Variants in CEP170B observed in about 807,000 individuals in gnomAD.
CEP170B encodes centrosomal protein 170B, also known as centrosomal protein of 170 kDa protein B.
A neutral mutation model predicts 120.6 loss-of-function variants in CEP170B; 55 were observed. The ratio of observed to expected loss-of-function variants is 0.46; its 90% CI spans 0.37 to 0.57. The LOEUF (loss-of-function observed/expected upper bound fraction) is 0.57, where lower values mean the gene tolerates loss of function less well. Ranked by LOEUF, CEP170B falls within the 20% of genes least tolerant of loss-of-function variation. The pLI is 0.00. For synonymous variants in CEP170B, 1,033 were observed against 954.5 expected, an observed-to-expected ratio of 1.08 and a Z score of -1.52; for missense variants, 2,212 against 2,253.3, an observed-to-expected ratio of 0.98 and a Z score of 0.37.
rs1286448544 is a variant in CEP170B, at chr14:104,867,008, G to A, written c.-27-1416G>A. Among the ~76,000 whole-genome samples the A allele has an allele frequency of 6.6e-6, 1 of 152,180 alleles. No homozygotes were observed. The highest frequency in any genetic ancestry group is 1.5e-5 in the Non-Finnish European group (1 of 68,030). On this transcript the variant is annotated intron_variant, in intron 1 of 18. Transcript: ENST00000414716. This position sits in a 1 kb window ranked among gnomAD's most constrained non-coding sequence, Gnocchi z 5.4. ...AGGAGCTCTGGGGCCGGCCTCACAG[G>A]TATGTGACTTGGAGACCCCCACAGA...
At position 104,895,189 on chromosome 14, in the gene CEP170B, G is replaced by C. The variant is rs986830462; in HGVS notation, c.*231G>C. On this transcript the variant is annotated 3_prime_UTR_variant, in exon 19 of 19. Transcript: ENST00000414716. ...CCCACCCCTGCCTCGCCCCCTACAGGCCTCTGGGCCCAGCTCCTGGCCAGG... is the reference window on the plus strand; with the variant it reads ...CCCACCCCTGCCTCGCCCCCTACAGCCCTCTGGGCCCAGCTCCTGGCCAGG... 1.6e-5 allele frequency: 8 copies of C among 492,712 alleles called. No homozygotes were observed. Among genetic ancestry groups the C allele is most frequent in the African/African-American group, 1.6e-4 (8 of 50,206 alleles). 30.5% of individuals were successfully genotyped at this position (492,712 alleles called of 1,614,324 possible).
Position 104,865,805 on chromosome 14 carries a change from A to C in CEP170B, c.-28+292A>C, listed in dbSNP as rs1363967824. Among the ~76,000 whole-genome samples the C allele has an allele frequency of 2.6e-5, 4 of 151,858 alleles. No homozygotes were observed. The East Asian group carries it at 7.8e-4, about 30-fold the overall frequency. ...CCGGCTCGGCCATGGCCGCCCCCGGAGAGCGCTGATTCAGAAGGCGCCGCT... is the reference window on the plus strand; with the variant it reads ...CCGGCTCGGCCATGGCCGCCCCCGGCGAGCGCTGATTCAGAAGGCGCCGCT... On this transcript the variant is annotated intron_variant, in intron 1 of 18. Transcript: ENST00000414716. This position sits in a 1 kb window ranked among gnomAD's most constrained non-coding sequence, Gnocchi z 6.7.
At position 104,896,360 on chromosome 14, in the gene CEP170B, G is replaced by C; in HGVS notation, c.*1402G>C. 2.9e-6 allele frequency: 1 copy of C among 339,396 alleles called. No individual in the cohort carries two copies. The allele number at this position is 339,396 out of a possible 1,614,324, so 21.0% of individuals were successfully genotyped here. A position where few individuals can be genotyped will look rare whatever the true frequency, so the allele number is the denominator to read the frequency against. ...GCGGGGGTGGCAGGTGTCCCCCCCT[G>C]GTCCCCGCCCCAAGAGCCTGCTGTC... On this transcript the variant is annotated 3_prime_UTR_variant, in exon 19 of 19. Transcript: ENST00000414716.
In CEP170B at chr14:104,884,274, C is replaced by A; in HGVS notation, c.1495C>A (p.Leu499Met). The A allele has an allele frequency of 6.5e-7, 1 of 1,544,412 alleles. No individual in the cohort carries two copies. The change falls in exon 9 of 19, where the codon CTG (leucine) becomes ATG (methionine). Residue 499 changes from leucine to methionine, a missense_variant. Leu to Met is a conservative substitution (Grantham distance 15). Around this residue, in one of 2 missense-constraint regions of CEP170B, gnomAD observed 2,166 missense variants for 2,166.7 expected, o/e 1.00. Coordinates refer to ENST00000414716, the MANE Select transcript of CEP170B (RefSeq NM_001112726.3). The stretch of plus-strand genomic sequence containing the variant: ...CGGAAGCGTGGGGCGCCGCTCCCGC[C>A]TGGCCCAGGACTTCATGGCCCAGTG... ...PFGSVGRRSR[L>M]AQDFMAQCLR... is the part of the protein sequence containing the mutation.
At chr14:104,879,300 A>AT (rs1420332496) in intron 5 of CEP170B, among the ~76,000 whole-genome samples, 2 of 151,664 alleles carry the variant, frequency 1.3e-5, no homozygotes, top group Non-Finnish European at 2.9e-5. Flanking sequence ...GGGTGAAGGG[A>AT]TTTGAGGTCT....
At chr14:104,889,311 C>T (rs1896672838) in intron 12 of CEP170B, among the ~76,000 whole-genome samples, 1 of 150,816 alleles carries the variant, frequency 6.6e-6, no homozygotes. Context: ...CCCGCATGTG[C>T]CCTGGGCTGG....
At chr14:104,882,916 C>T (rs577833451) in intron 7 of CEP170B, 84 bp downstream of exon 7, 1 of 1,479,986 alleles carries the variant, frequency 6.8e-7, no homozygotes, top group African/African-American at 1.4e-5. Context: ...TTGAGGAGCC[C>T]ACTCCGGGGG....
rs1417245984 is a variant in CEP170B at position 104,865,789 on chromosome 14, C to T, written c.-28+276C>T. Among the ~76,000 whole-genome samples, 5 of 152,196 alleles carry T rather than the reference C, an allele frequency of 3.3e-5. No homozygotes were observed. The East Asian group carries it at 9.7e-4, about 30-fold the overall frequency. On this transcript the variant is annotated intron_variant, in intron 1 of 18. Coordinates refer to ENST00000414716, the MANE Select transcript of CEP170B (RefSeq NM_001112726.3). This position sits in a 1 kb window ranked among gnomAD's most constrained non-coding sequence, Gnocchi z 6.7. ...GGTCCCCGCCCCGGCACCGGCTCGGCCATGGCCGCCCCCGGAGAGCGCTGA... is the reference window on the plus strand; with the variant it reads ...GGTCCCCGCCCCGGCACCGGCTCGGTCATGGCCGCCCCCGGAGAGCGCTGA...
chr14:104,887,087 C>T lies in CEP170B; in HGVS notation c.2848C>T (p.Leu950=), dbSNP rs1355302204. 1.2e-6 allele frequency: 2 copies of T among 1,611,302 alleles called. No individual in the cohort carries two copies. The highest frequency in any genetic ancestry group is 1.7e-6 in the Non-Finnish European group (2 of 1,179,680). Residue 950 remains leucine, a synonymous_variant, in exon 12 of 19, where the codon CTG becomes TTG. Transcript: ENST00000414716. ...CACCCCGAGGCCGCCGGAGGACGCC[C>T]TGTCTGGGGACTCGGACGTGGACAC... ...GSTPRPPEDA[L]SGDSDVDTAS...
intron 9 of CEP170B, among the ~76,000 whole-genome samples, chr14:104,885,110 C>G (rs1896404815): frequency 6.6e-6 from 1 of 152,054 alleles, no homozygotes. Context: ...CCGGCCCAGC[C>G]CTGGCTCCTG....
rs1272934003 is a variant in CEP170B at position 104,865,614 on chromosome 14, C to A, written c.-28+101C>A. ...CGGGGCGCGGGGTCCCGGCCGAGGC[C>A]GGACAAAGGCGCGGGGGTTGGGGGC... On this transcript the variant is annotated intron_variant, in intron 1 of 18. Coordinates refer to ENST00000414716, the MANE Select transcript of CEP170B (RefSeq NM_001112726.3). This position sits in a 1 kb window ranked among gnomAD's most constrained non-coding sequence, Gnocchi z 6.7. 1.3e-5 allele frequency: 2 copies of A among 151,354 alleles called. No homozygotes were observed. The highest frequency in any genetic ancestry group is 1.3e-4 in the Admixed American group (2 of 15,190). The allele number at this position is 151,354 out of a possible 1,614,324, so 9.4% of individuals were successfully genotyped here.
chr14:104,880,510 A>T lies in CEP170B; in HGVS notation c.472+85A>T, dbSNP rs1896090027. Reference sequence around the variant, plus strand: ...CGCACCTGCCTCTCTGCACCCCTTAACCCTCTGCATGCATATACCATGTAC... The same window carrying T: ...CGCACCTGCCTCTCTGCACCCCTTATCCCTCTGCATGCATATACCATGTAC... On this transcript the variant is annotated intron_variant, in intron 6 of 18. Coordinates refer to ENST00000414716, the MANE Select transcript of CEP170B (RefSeq NM_001112726.3). 5.2e-6 allele frequency: 8 copies of T among 1,545,478 alleles called. No homozygotes were observed. The South Asian group carries it at 9.5e-5, about 18-fold the overall frequency.
In CEP170B at chr14:104,870,564, A is replaced by G. The variant is rs1439308431; in HGVS notation, c.105+2009A>G. Among the ~76,000 whole-genome samples the G allele has an allele frequency of 6.6e-6, 1 of 152,162 alleles. No homozygotes were observed. The highest frequency in any genetic ancestry group is 1.5e-5 in the Non-Finnish European group (1 of 68,020). On this transcript the variant is annotated intron_variant, in intron 2 of 18. Coordinates refer to ENST00000414716, the MANE Select transcript of CEP170B (RefSeq NM_001112726.3). The surrounding 1 kb of genome is among the most constrained non-coding windows in gnomAD (Gnocchi z 4.1). Reference sequence around the variant, plus strand: ...AAGAAGCCAGAGTCAGCCTGCAGGCAGGGGACTGGTGTGGGTGCTCTTCCT... The same window carrying G: ...AAGAAGCCAGAGTCAGCCTGCAGGCGGGGGACTGGTGTGGGTGCTCTTCCT...
intron 13 of CEP170B, among the ~76,000 whole-genome samples, chr14:104,890,325 G>T (rs62644857): frequency 7.4e-6 from 1 of 135,262 alleles, no homozygotes; most frequent in Non-Finnish European, 1.6e-5. Context: ...TGGGTGGGTG[G>T]ATGGATGGAT....
chr14:104,893,214 C>T (rs1595361935), intron 14 of CEP170B, 79 bp downstream of exon 14: 3 of 1,448,218 alleles, frequency 2.1e-6, no homozygotes, highest in Non-Finnish European at 2.8e-6. Flanking sequence ...CAGCCCTTTG[C>T]ATGCCTCGGC....
chr14:104,889,171 GGGA>G (rs757854109), intron 12 of CEP170B, among the ~76,000 whole-genome samples: 11 of 152,182 alleles, frequency 7.2e-5, no homozygotes, highest in Non-Finnish European at 1.5e-4. Context: ...GGTCCTGGTG[GGGA>G]GGTTTACTCT....
At chr14:104,869,902 G>A (rs961833387) in intron 2 of CEP170B, among the ~76,000 whole-genome samples, 1 of 152,148 alleles carries the variant, frequency 6.6e-6, no homozygotes, top group African/African-American at 2.4e-5. Flanking sequence ...AGCTGGGATG[G>A]ACTAAGTCCA....
Position 104,868,331 on chromosome 14 carries a change from T to G in CEP170B, c.-27-93T>G. 1 of 867,080 alleles carries G rather than the reference T, an allele frequency of 1.2e-6. No individual in the cohort carries two copies. The highest frequency in any genetic ancestry group is 1.7e-6 in the Non-Finnish European group (1 of 573,786). 53.7% of individuals were successfully genotyped at this position (867,080 alleles called of 1,614,324 possible). On this transcript the variant is annotated intron_variant, in intron 1 of 18. Coordinates refer to ENST00000414716, the MANE Select transcript of CEP170B (RefSeq NM_001112726.3). The surrounding 1 kb of genome is among the most constrained non-coding windows in gnomAD (Gnocchi z 5.9). ...TTCTCCGGAAGCTGCCAGCTTCCCTTAGAGGGTCAGGATCTGGGCTGGGCC... is the reference window on the plus strand; with the variant it reads ...TTCTCCGGAAGCTGCCAGCTTCCCTGAGAGGGTCAGGATCTGGGCTGGGCC...
chr14:104,876,744 G>A (rs1790076234), intron 3 of CEP170B, among the ~76,000 whole-genome samples: 1 of 152,248 alleles, frequency 6.6e-6, no homozygotes. Flanking sequence ...AGATGGGAAG[G>A]GAAGCACTAG....
Sources: allele counts gnomAD v4.1 joint callset (sites outside exome capture counted in the v4.1 genomes callset), GRCh38; gene constraint gnomAD v4.1.1; regional missense constraint gnomAD v4.1.1; non-coding constraint Gnocchi (gnomAD v3.1); transcripts MANE v1.5; gene names NCBI Gene and HGNC (gene_info 2026-07-23, HGNC 2026-07-21).